Variants in ITGA9 observed in about 807,000 individuals in gnomAD.
The protein encoded by ITGA9 is integrin alpha-9.
ITGA9 carries 56 observed loss-of-function variants against 127.8 expected under a neutral mutation model. The ratio of observed to expected loss-of-function variants is 0.44; its 90% CI spans 0.35 to 0.55. The LOEUF (loss-of-function observed/expected upper bound fraction) is 0.55. Among genes scored for constraint, ITGA9 ranks in the 20% least tolerant of loss-of-function variants. The pLI, the probability that ITGA9 is intolerant of heterozygous loss-of-function variation, is 0.00. For synonymous variants in ITGA9, 508 were observed against 514.5 expected (o/e 0.99, Z 0.17); for missense variants, 1,196 against 1,347.1 (o/e 0.89, Z 1.76).
intron 16 of ITGA9, 100 bp from the exon 17 acceptor site, chr3:37,653,614 G>A: frequency 2.2e-6 from 2 of 907,052 alleles, no homozygotes; most frequent in Non-Finnish European, 3.7e-6. Context: ...GAGGGGCTCA[G>A]GGGAGGAATT....
intron 26 of ITGA9, among the ~76,000 whole-genome samples, chr3:37,791,644 T>C (rs1697111590): frequency 6.6e-6 from 1 of 152,084 alleles, no homozygotes; most frequent in African/African-American, 2.4e-5. Context: ...GCTGAGAAGG[T>C]TCAGTGATAC....
chr3:37,526,245 G>A (rs1699091758), intron 13 of ITGA9, among the ~76,000 whole-genome samples, 174 bp downstream of exon 13: 3 of 152,224 alleles, frequency 2.0e-5, no homozygotes, highest in South Asian at 4.1e-4. Flanking sequence ...AGAGTTTCTA[G>A]CTGTGGCCTT....
At chr3:37,531,809 G>T (rs1699155391) in intron 13 of ITGA9, among the ~76,000 whole-genome samples, 1 of 152,230 alleles carries the variant, frequency 6.6e-6, no homozygotes, top group African/African-American at 2.4e-5. Context: ...CCCAGCCCTT[G>T]CAGGGTGCTG....
chr3:37,736,941 C>G lies in ITGA9; in HGVS notation c.2192C>G (p.Ser731Cys), dbSNP rs773902786. 5.0e-6 allele frequency: 8 copies of G among 1,613,562 alleles called. No individual in the cohort carries two copies. Among genetic ancestry groups the G allele is most frequent in the Non-Finnish European group, 6.8e-6 (8 of 1,179,632 alleles). ...FSVIFDTSHL[S>C]GEEEVLSFIV... ...GTGATCTTTGATACAAGCCACCTGT[C>G]TGGGGAAGAGGAAGTTCTCAGCTTC... is the stretch of plus-strand genomic sequence containing the variant. The change falls in exon 20 of 28, where the codon TCT becomes TGT. Residue 731 changes from serine (S) to cysteine (C), a missense_variant. By Grantham distance (112) the Ser-to-Cys change is moderately radical. Coordinates refer to ENST00000264741, the MANE Select transcript of ITGA9 (RefSeq NM_002207.3).
At chr3:37,578,822 G>A (rs1225348070) in intron 15 of ITGA9, among the ~76,000 whole-genome samples, 1 of 96,912 alleles carries the variant, frequency 1.0e-5, no homozygotes, top group Non-Finnish European at 2.2e-5. Context: ...CATGATGGGA[G>A]GGAAGAAAGA....
chr3:37,690,861 A>G (rs557821731), intron 18 of ITGA9, among the ~76,000 whole-genome samples: 3 of 152,276 alleles, frequency 2.0e-5, no homozygotes, highest in South Asian at 2.1e-4. Flanking sequence ...AGGTGAAACA[A>G]TGGTAGGGAG....
chr3:37,516,320 C>T (rs1205008754), intron 9 of ITGA9, among the ~76,000 whole-genome samples: 1 of 152,116 alleles, frequency 6.6e-6, no homozygotes, highest in African/African-American at 2.4e-5. Flanking sequence ...AAAATTCTGA[C>T]TTTGGAGCAA....
At chr3:37,703,914 G>T (rs1250276694) in intron 18 of ITGA9, among the ~76,000 whole-genome samples, 1 of 152,172 alleles carries the variant, frequency 6.6e-6, no homozygotes, top group Non-Finnish European at 1.5e-5. Flanking sequence ...GAGTGGTGGG[G>T]CTGGGATTCA....
intron 15 of ITGA9, among the ~76,000 whole-genome samples, chr3:37,603,872 A>G (rs1699944105): frequency 1.3e-5 from 2 of 152,144 alleles, no homozygotes; most frequent in African/African-American, 4.8e-5. Flanking sequence ...CCCTGCTGCC[A>G]TTATTTTGTC....
intron 15 of ITGA9, among the ~76,000 whole-genome samples, chr3:37,604,940 CT>C (rs1699954637): frequency 6.6e-6 from 1 of 152,146 alleles, no homozygotes; most frequent in African/African-American, 2.4e-5. Context: ...ATTTCTGAAG[CT>C]TTTGATGGGC....
At chr3:37,691,810 G>A (rs1700835156) in intron 18 of ITGA9, among the ~76,000 whole-genome samples, 1 of 152,206 alleles carries the variant, frequency 6.6e-6, no homozygotes, top group Admixed American at 6.5e-5. Context: ...GGAAGGAGAG[G>A]AGTGGAGAGG....
chr3:37,623,885 G>A (rs965174282), intron 15 of ITGA9, among the ~76,000 whole-genome samples: 2 of 152,150 alleles, frequency 1.3e-5, no homozygotes, highest in African/African-American at 4.8e-5. Context: ...TAGAGATAAA[G>A]GAAAAGGCAT....
chr3:37,618,666 C>T (rs867080981), intron 15 of ITGA9, among the ~76,000 whole-genome samples: 9 of 152,216 alleles, frequency 5.9e-5, no homozygotes, highest in Non-Finnish European at 8.8e-5. Flanking sequence ...CGATGGTGGG[C>T]GCCCCTCCCC....
intron 15 of ITGA9, among the ~76,000 whole-genome samples, chr3:37,625,606 G>T (rs1014866692): frequency 2.0e-5 from 3 of 152,054 alleles, no homozygotes; most frequent in African/African-American, 7.2e-5. Flanking sequence ...AGTTTGTAGC[G>T]TTATTTTTTT....
intron 18 of ITGA9, among the ~76,000 whole-genome samples, chr3:37,731,164 C>A (rs887513709): frequency 1.3e-5 from 2 of 152,186 alleles, no homozygotes; most frequent in Non-Finnish European, 2.9e-5. Flanking sequence ...TCTGTGTCTA[C>A]TCAGAAAAGA....
chr3:37,525,039 T>G (rs1261643871), intron 12 of ITGA9, among the ~76,000 whole-genome samples: 1 of 152,264 alleles, frequency 6.6e-6, no homozygotes, highest in East Asian at 1.9e-4. Context: ...ATATAGATGC[T>G]CAGTGCATTT....
chr3:37,746,610 C>T (rs912058724), intron 22 of ITGA9, among the ~76,000 whole-genome samples: 1 of 152,180 alleles, frequency 6.6e-6, no homozygotes, highest in Admixed American at 6.5e-5. Flanking sequence ...TTGCTTACCC[C>T]ATTCATGCTT....
chr3:37,588,180 G>C (rs1459838688), intron 15 of ITGA9, among the ~76,000 whole-genome samples: 1 of 152,220 alleles, frequency 6.6e-6, no homozygotes, highest in Non-Finnish European at 1.5e-5. Context: ...CAAGGTAACT[G>C]TTCAGTAAAC....
chr3:37,630,396 G>A (rs1003726394), intron 16 of ITGA9, among the ~76,000 whole-genome samples: 3 of 152,220 alleles, frequency 2.0e-5, no homozygotes, highest in Admixed American at 2.0e-4. Flanking sequence ...GGGAAAACCT[G>A]TAAAGGAAAG....
Sources: allele counts gnomAD v4.1 joint callset (sites outside exome capture counted in the v4.1 genomes callset), GRCh38; gene constraint gnomAD v4.1.1; transcripts MANE v1.5; gene names NCBI Gene and HGNC (gene_info 2026-07-23, HGNC 2026-07-21).